Variants in TBC1D22A observed in about 807,000 individuals in gnomAD.
The protein encoded by TBC1D22A is putative GTPase activator.
TBC1D22A carries 38 observed loss-of-function variants against 60.2 expected under a neutral mutation model. The observed-to-expected ratio is 0.63, with a 90% CI of 0.49 to 0.83. TBC1D22A has a LOEUF of 0.83. TBC1D22A is among the 40% of genes least tolerant of loss of function. The pLI, the probability that TBC1D22A is intolerant of heterozygous loss-of-function variation, is 0.00. For synonymous variants in TBC1D22A, 302 were observed against 281.7 expected (o/e 1.07, Z -0.72); for missense variants, 628 against 701.0 (o/e 0.90, Z 1.18).
chr22:46,769,897 A>T (rs1410210077), intron 1 of TBC1D22A, among the ~76,000 whole-genome samples: 1 of 152,020 alleles, frequency 6.6e-6, no homozygotes, highest in Non-Finnish European at 1.5e-5. Context: ...CTCAGGATTC[A>T]CTGATGGGCG....
intron 12 of TBC1D22A, among the ~76,000 whole-genome samples, chr22:47,157,355 T>C (rs1352360812): frequency 6.6e-6 from 1 of 152,222 alleles, no homozygotes; most frequent in Non-Finnish European, 1.5e-5. Context: ...GTGATTCAAG[T>C]TCGTGACTGC....
At chr22:46,925,936 C>G (rs1044558182) in intron 8 of TBC1D22A, among the ~76,000 whole-genome samples, 1 of 152,102 alleles carries the variant, frequency 6.6e-6, no homozygotes, top group Non-Finnish European at 1.5e-5. Flanking sequence ...AGCCGTAATA[C>G]TTTTGAGAAG....
At chr22:47,013,226 G>A (rs1416070034) in intron 10 of TBC1D22A, among the ~76,000 whole-genome samples, 1 of 152,104 alleles carries the variant, frequency 6.6e-6, no homozygotes, top group Non-Finnish European at 1.5e-5. Context: ...CAAGTGTGGA[G>A]TGTGTTTACC....
intron 12 of TBC1D22A, among the ~76,000 whole-genome samples, chr22:47,137,091 C>T (rs2066903752): frequency 6.6e-6 from 1 of 152,146 alleles, no homozygotes; most frequent in Non-Finnish European, 1.5e-5. Flanking sequence ...AGGAGGTCTT[C>T]GTGCCGTCTC....
At chr22:46,887,576 TG>T (rs1418035942) in intron 5 of TBC1D22A, among the ~76,000 whole-genome samples, 1 of 152,112 alleles carries the variant, frequency 6.6e-6, no homozygotes, top group African/African-American at 2.4e-5. Context: ...TATGCGACAG[TG>T]GAGGAAGGAA....
intron 4 of TBC1D22A, among the ~76,000 whole-genome samples, chr22:46,856,250 G>T (rs1016803310): frequency 2.0e-5 from 3 of 152,198 alleles, no homozygotes; most frequent in Admixed American, 6.5e-5. Context: ...TAATATTTAC[G>T]TAGCGTAGCA....
intron 8 of TBC1D22A, among the ~76,000 whole-genome samples, chr22:46,936,225 A>G (rs1473818300): frequency 6.6e-6 from 1 of 151,994 alleles, no homozygotes; most frequent in African/African-American, 2.4e-5. Flanking sequence ...TTGCGCTGTG[A>G]TTGGGTGAGG....
intron 4 of TBC1D22A, among the ~76,000 whole-genome samples, chr22:46,861,230 A>T (rs528897383): frequency 2.3e-4 from 35 of 152,294 alleles, no homozygotes; most frequent in Admixed American, 7.2e-4. Context: ...AAGTGCTGGG[A>T]TTATAAACTT....
At chr22:47,017,180 C>A (rs1005098094) in intron 10 of TBC1D22A, among the ~76,000 whole-genome samples, 1 of 152,136 alleles carries the variant, frequency 6.6e-6, no homozygotes, top group Non-Finnish European at 1.5e-5. Context: ...TGCGGGAGAC[C>A]TTTTAAGGAT....
At chr22:46,917,496 T>A (rs1051719885) in intron 8 of TBC1D22A, among the ~76,000 whole-genome samples, 3 of 152,110 alleles carry the variant, frequency 2.0e-5, no homozygotes, top group Non-Finnish European at 4.4e-5. Context: ...AGTCACCTCC[T>A]AGATTCCTGG....
intron 4 of TBC1D22A, among the ~76,000 whole-genome samples, chr22:46,875,384 G>A (rs545598164): frequency 3.1e-4 from 47 of 152,324 alleles, no homozygotes; most frequent in African/African-American, 1.1e-3. Context: ...TTAACTGGGA[G>A]TGGGGGCCAA....
At chr22:46,974,508 C>A in intron 9 of TBC1D22A, 109 bp downstream of exon 9, 1 of 872,020 alleles carries the variant, frequency 1.1e-6, no homozygotes, top group Non-Finnish European at 1.8e-6. Context: ...GCAGTCCCTC[C>A]TGAAGCCTCA....
intron 12 of TBC1D22A, among the ~76,000 whole-genome samples, chr22:47,138,941 C>T (rs1202913845): frequency 6.6e-6 from 1 of 152,204 alleles, no homozygotes. Context: ...CTTCCTAATA[C>T]TACCACCTTG....
At chr22:47,121,571 T>C (rs1306015808) in intron 12 of TBC1D22A, among the ~76,000 whole-genome samples, 2 of 152,194 alleles carry the variant, frequency 1.3e-5, no homozygotes, top group Admixed American at 6.5e-5. Flanking sequence ...TATCGACATA[T>C]GTAATACAGA....
intron 8 of TBC1D22A, among the ~76,000 whole-genome samples, chr22:46,943,278 G>A (rs2072291847): frequency 6.6e-6 from 1 of 152,208 alleles, no homozygotes. Context: ...AGGAGGTGGT[G>A]GAGTTGGACT....
At chr22:46,953,406 G>C (rs570228592) in intron 8 of TBC1D22A, among the ~76,000 whole-genome samples, 7 of 151,838 alleles carry the variant, frequency 4.6e-5, no homozygotes, top group Admixed American at 2.6e-4. Context: ...TGTATGCCTG[G>C]TATGTTCCTT....
chr22:47,025,752 G>GT (rs2062233469), intron 10 of TBC1D22A, among the ~76,000 whole-genome samples: 1 of 152,222 alleles, frequency 6.6e-6, no homozygotes, highest in African/African-American at 2.4e-5. Context: ...TGCTTAGAGG[G>GT]AAACGTATAG....
intron 11 of TBC1D22A, 107 bp from the exon 12 acceptor site, chr22:47,111,401 T>A: frequency 1.0e-6 from 1 of 964,376 alleles, no homozygotes; most frequent in South Asian, 1.6e-5. Flanking sequence ...AGCTTTGGTT[T>A]CCTCTGAACC....
intron 11 of TBC1D22A, among the ~76,000 whole-genome samples, chr22:47,040,659 G>A (rs573086325): frequency 2.8e-4 from 42 of 152,248 alleles, no homozygotes; most frequent in East Asian, 5.8e-4. Flanking sequence ...CAGGGCGGCG[G>A]CTGACTTGAT....
Sources: allele counts gnomAD v4.1 joint callset (sites outside exome capture counted in the v4.1 genomes callset), GRCh38; gene constraint gnomAD v4.1.1; transcripts MANE v1.5; gene names NCBI Gene and HGNC (gene_info 2026-07-23, HGNC 2026-07-21).